PRR14L: variants seen among roughly 807,000 people sequenced by gnomAD.
PRR14L encodes the protein protein PRR14L.
PRR14L carries 80 observed loss-of-function variants against 155.0 expected under a neutral mutation model. The observed-to-expected ratio is 0.52, with a 90% CI of 0.43 to 0.62. The LOEUF is 0.62. Ranked by LOEUF, PRR14L falls within the 20% of genes least tolerant of loss-of-function variation. The probability of loss-of-function intolerance (pLI) is 0.00; values close to 1 mark genes in which losing one functional copy is unlikely to be tolerated. For missense variants in PRR14L, 2,469 were observed against 2,548.0 expected, an observed-to-expected ratio of 0.97 and a Z score of 0.67; for synonymous variants, 883 against 916.0, an observed-to-expected ratio of 0.96 and a Z score of 0.65.
chr22:31,733,174 G>A (rs977775604), intron 2 of PRR14L, among the ~76,000 whole-genome samples: 22 of 151,854 alleles, frequency 1.4e-4, no homozygotes, highest in Non-Finnish European at 2.2e-4. Context: ...TTTTAGTAGC[G>A]ATGGGGGTTT....
chr22:31,749,678 C>T (rs1266102229), intron 1 of PRR14L, among the ~76,000 whole-genome samples: 2 of 152,222 alleles, frequency 1.3e-5, no homozygotes, highest in African/African-American at 4.8e-5. Context: ...GAGCGTACGC[C>T]TCCGATAAGG....
intron 3 of PRR14L, among the ~76,000 whole-genome samples, chr22:31,718,851 A>T (rs1015133805): frequency 3.7e-5 from 5 of 135,016 alleles, no homozygotes; most frequent in African/African-American, 1.5e-4. Context: ...AGGTGGATGG[A>T]TCACACGAGG....
At position 31,713,131 on chromosome 22, in the gene PRR14L, G is replaced by C. The variant is rs758253080; in HGVS notation, c.4708C>G (p.Leu1570Val). 4 of 1,552,164 alleles carry C rather than the reference G, an allele frequency of 2.6e-6. No individual in the cohort carries two copies. In the South Asian group the frequency reaches 3.6e-5, roughly 14 times the overall value. ...GGTTCTAATCGTGTAGGTGCAGACAGAGTACACAAACTGAGAAGTCTGTGC... is the reference window on the plus strand; with the variant it reads ...GGTTCTAATCGTGTAGGTGCAGACACAGTACACAAACTGAGAAGTCTGTGC... ...KAHRLLSLCT[L>V]SAPTRLEPET... Residue 1570 changes from leucine (L) to valine (V), a missense_variant, in exon 4 of 9, where the codon CTG (leucine) becomes GTG (valine). Physicochemically the swap from Leu to Val is conservative, Grantham distance 32. Around this residue, in one of 2 missense-constraint regions of PRR14L, gnomAD observed 2,363 missense variants for 2,371.6 expected, o/e 1.00. Transcript: ENST00000327423.
intron 2 of PRR14L, among the ~76,000 whole-genome samples, chr22:31,727,425 G>T (rs1344284096): frequency 6.6e-6 from 1 of 151,562 alleles, no homozygotes; most frequent in African/African-American, 2.4e-5. Flanking sequence ...GTAGAGACAG[G>T]GTTTCACCGT....
At chr22:31,740,374 C>T (rs758407456) in intron 1 of PRR14L, among the ~76,000 whole-genome samples, 12 of 152,200 alleles carry the variant, frequency 7.9e-5, no homozygotes, top group Non-Finnish European at 1.5e-4. Flanking sequence ...CGTGTGCCAC[C>T]ACGCCCAGCT....
intron 3 of PRR14L, among the ~76,000 whole-genome samples, chr22:31,722,377 C>T (rs1435807174): frequency 6.7e-6 from 1 of 149,280 alleles, no homozygotes; most frequent in African/African-American, 2.5e-5. Context: ...TTGCAGTAAG[C>T]CAAGATCGTG....
At position 31,717,091 on chromosome 22, in the gene PRR14L, C is replaced by T. The variant is rs1234227078; in HGVS notation, c.748G>A (p.Val250Ile). 6.4e-7 allele frequency: 1 copy of T among 1,552,084 alleles called. No homozygotes were observed. The highest frequency in any genetic ancestry group is 8.7e-7 in the Non-Finnish European group (1 of 1,147,056). ...SDEVSETSTLVTPEPLTFVDP... is the reference protein window; with the variant it reads ...SDEVSETSTLITPEPLTFVDP... The stretch of plus-strand genomic sequence containing the variant: ...ACAAAGGTTAAAGGTTCTGGGGTAA[C>T]TAATGTGCTGGTTTCTGAAACCTCA... Residue 250 changes from valine to isoleucine, a missense_variant, in exon 4 of 9, where the codon GTT becomes ATT. By Grantham distance (29) the Val-to-Ile change is conservative. Around this residue, in one of 2 missense-constraint regions of PRR14L, gnomAD observed 2,363 missense variants for 2,371.6 expected, o/e 1.00. Transcript: ENST00000327423.
At chr22:31,707,263 G>A (rs1011089241) in intron 4 of PRR14L, among the ~76,000 whole-genome samples, 1 of 151,572 alleles carries the variant, frequency 6.6e-6, no homozygotes, top group East Asian at 1.9e-4. Context: ...GAAACATGAG[G>A]TGGGAAAGAA....
intron 2 of PRR14L, among the ~76,000 whole-genome samples, chr22:31,731,283 G>C (rs1346708850): frequency 6.6e-6 from 1 of 152,096 alleles, no homozygotes; most frequent in Non-Finnish European, 1.5e-5. Context: ...CCCCATGTTA[G>C]GCTGGGCGCC....
chr22:31,712,088 T>C lies in PRR14L; in HGVS notation c.5751A>G (p.Thr1917=), dbSNP rs1255239445. The C allele has an allele frequency of 2.5e-6, 4 of 1,607,992 alleles. No homozygotes were observed. The highest frequency in any genetic ancestry group is 3.4e-6 in the Non-Finnish European group (4 of 1,177,118). The change falls in exon 4 of 9, where the codon ACA becomes ACG. Residue 1917 remains threonine (T), a synonymous_variant. Transcript: ENST00000327423. ...HCKRQPSLGT[T]SSHTMLPYVP... is the part of the protein sequence containing the mutation. ...GAACAGGGGACAGATTTTACCTGCT[T>C]GTGGTGCCCAGACTTGGTTGCCGCT...
intron 8 of PRR14L, among the ~76,000 whole-genome samples, chr22:31,687,496 G>A (rs1255663612): frequency 6.6e-6 from 1 of 151,466 alleles, no homozygotes; most frequent in African/African-American, 2.4e-5. Flanking sequence ...TGGGATTACA[G>A]GTGTGAGCCA....
At position 31,715,663 on chromosome 22, in the gene PRR14L, C is replaced by A; in HGVS notation, c.2176G>T (p.Ala726Ser). The change falls in exon 4 of 9, where the codon GCC (alanine) becomes TCC (serine). Residue 726 changes from alanine to serine, a missense_variant. Transcript: ENST00000327423. The part of the protein sequence containing the change: ...ISPPGNQTCG[A>S]SSNCPTLNIK... The stretch of plus-strand genomic sequence containing the variant: ...TTTAAGGTGGGACAGTTTGAAGAGG[C>A]ACCACAGGTTTGGTTACCTGGTGGA... 1.2e-5 allele frequency: 18 copies of A among 1,552,206 alleles called. No homozygotes were observed. Among genetic ancestry groups the A allele is most frequent in the Non-Finnish European group, 1.6e-5 (18 of 1,147,034 alleles).
intron 6 of PRR14L, among the ~76,000 whole-genome samples, chr22:31,702,809 C>T (rs942757281): frequency 1.3e-5 from 2 of 149,298 alleles, no homozygotes; most frequent in Admixed American, 1.3e-4. Flanking sequence ...AGCCACCGTG[C>T]CCGGCCTTTT....
At chr22:31,695,685 A>G (rs772102620) in intron 7 of PRR14L, among the ~76,000 whole-genome samples, 29 of 152,010 alleles carry the variant, frequency 1.9e-4, no homozygotes, top group Non-Finnish European at 4.1e-4. Context: ...TATCTTGTCT[A>G]TGCTTGAGAA....
At position 31,713,835 on chromosome 22, in the gene PRR14L, CCTTTCA is replaced by C. The variant is rs1309663217; in HGVS notation, c.3998_4003del (p.Val1333_Lys1334del). Reference sequence around the variant, plus strand: ...CCTCTGATGCTCTTCGGTTTCTTCTCCTTTCACTTTAATATCTGTTTTCACTGTCAA... The same window carrying C: ...CCTCTGATGCTCTTCGGTTTCTTCTCCTTTAATATCTGTTTTCACTGTCAA... On this transcript the variant is annotated inframe_deletion, in exon 4 of 9. Transcript: ENST00000327423. 6.4e-6 allele frequency: 10 copies of C among 1,552,206 alleles called. No individual in the cohort carries two copies. Among genetic ancestry groups the C allele is most frequent in the East Asian group, 2.4e-5 (1 of 40,940 alleles).
At chr22:31,704,331 C>T (rs1288294960) in intron 5 of PRR14L, 12 of 209,122 alleles carry the variant, frequency 5.7e-5, no homozygotes, top group Non-Finnish European at 5.8e-5. Context: ...GAACAGTACT[C>T]AGATAAGATC....
At chr22:31,727,990 AAAAAG>A (rs1569500001) in intron 2 of PRR14L, among the ~76,000 whole-genome samples, 3 of 151,906 alleles carry the variant, frequency 2.0e-5, no homozygotes, top group Non-Finnish European at 4.4e-5. Context: ...GAAAAAAAAA[AAAAAG>A]AAAAGAAATT....
chr22:31,745,843 TAAAAA>T (rs755650797), intron 1 of PRR14L, among the ~76,000 whole-genome samples: 10 of 133,764 alleles, frequency 7.5e-5, no homozygotes, highest in East Asian at 2.1e-4. Flanking sequence ...AGACTCAGTT[TAAAAA>T]AAAAAAAAAA....
intron 7 of PRR14L, among the ~76,000 whole-genome samples, chr22:31,700,265 G>A (rs2074556194): frequency 6.6e-6 from 1 of 152,124 alleles, no homozygotes; most frequent in South Asian, 2.1e-4. Context: ...TGTAAACAAG[G>A]TTCTTCAGAC....
Sources: gnomAD v4.1 joint callset for allele counts (sites outside exome capture counted in the v4.1 genomes callset) on GRCh38, gnomAD v4.1.1 for gene constraint, gnomAD v4.1.1 regional missense constraint, MANE v1.5 for transcripts, NCBI Gene and HGNC (gene_info 2026-07-23, HGNC 2026-07-21) for gene names.